GTF3C4: variants seen among roughly 807,000 people sequenced by gnomAD.
GTF3C4 encodes general transcription factor 3C polypeptide 4.
Under a neutral mutation model 67.5 loss-of-function variants are expected in GTF3C4, and 28 were observed. That is an observed-to-expected ratio of 0.41 (90% CI 0.31 to 0.57). The LOEUF is 0.57. Among genes scored for constraint, GTF3C4 ranks in the 20% least tolerant of loss-of-function variants. The pLI, the probability that GTF3C4 is intolerant of heterozygous loss-of-function variation, is 0.21. For synonymous variants in GTF3C4, 409 were observed against 393.0 expected, an observed-to-expected ratio of 1.04 and a Z score of -0.48; for missense variants, 831 against 1,033.2, an observed-to-expected ratio of 0.80 and a Z score of 2.68.
In GTF3C4 at chr9:132,679,861, G is replaced by T; in HGVS notation, c.2184+58G>T. 2 of 1,463,980 alleles carry T rather than the reference G, an allele frequency of 1.4e-6. No individual in the cohort carries two copies. The highest frequency in any genetic ancestry group is 1.8e-6 in the Non-Finnish European group (2 of 1,088,792). The allele number at this position is 1,463,980 out of a possible 1,614,324, so 90.7% of individuals were successfully genotyped here. Reference sequence around the variant, plus strand: ...TAAAGCCTGCTTTCTTCATGAGAAAGAAATGACCTAAATTGAGTTCCTGAA... The same window carrying T: ...TAAAGCCTGCTTTCTTCATGAGAAATAAATGACCTAAATTGAGTTCCTGAA... On this transcript the variant is annotated intron_variant, in intron 2 of 4. Coordinates refer to ENST00000372146, the MANE Select transcript of GTF3C4 (RefSeq NM_012204.4). The surrounding 1 kb of genome is among the most constrained non-coding windows in gnomAD (Gnocchi z 5.9).
At chr9:132,680,929 G>A (rs1197160080) in intron 2 of GTF3C4, among the ~76,000 whole-genome samples, 4 of 152,168 alleles carry the variant, frequency 2.6e-5, no homozygotes, top group Middle Eastern at 3.2e-3. Context: ...GGCCAACATG[G>A]CGAAACCCCG....
At chr9:132,684,883 T>C (rs1836001760) in intron 3 of GTF3C4, among the ~76,000 whole-genome samples, 1 of 152,210 alleles carries the variant, frequency 6.6e-6, no homozygotes, top group African/African-American at 2.4e-5. Context: ...TTAATAATTA[T>C]CACTATTTAA....
chr9:132,680,967 G>A (rs957022034), intron 2 of GTF3C4, among the ~76,000 whole-genome samples: 1 of 152,214 alleles, frequency 6.6e-6, no homozygotes, highest in Non-Finnish European at 1.5e-5. Context: ...AATTAGCCGG[G>A]TGTGGTGGCG....
At position 132,678,680 on chromosome 9, in the gene GTF3C4, T is replaced by C. The variant is rs1835898553; in HGVS notation, c.1061T>C (p.Phe354Ser). Residue 354 changes from phenylalanine to serine, a missense_variant, in exon 2 of 5, where the codon TTC becomes TCC. Phe to Ser is a radical substitution (Grantham distance 155). This residue lies in a region of GTF3C4 where 390 missense variants were observed against 540.3 expected (regional missense o/e 0.72). Coordinates refer to ENST00000372146, the MANE Select transcript of GTF3C4 (RefSeq NM_012204.4). The surrounding 1 kb of genome is among the most constrained non-coding windows in gnomAD (Gnocchi z 6.5). ...AATCTCAAAGCAGTCAAAGGCTATT[T>C]CACTTTAAGGCAGCCTGTTATCTTG... Reference protein sequence around the residue: ...PVNLKAVKGYFTLRQPVILWK... With the variant: ...PVNLKAVKGYSTLRQPVILWK... 2.5e-6 allele frequency: 4 copies of C among 1,614,068 alleles called. No homozygotes were observed. In the East Asian group the frequency reaches 6.7e-5, roughly 27 times the overall value.
rs61998251 is a variant in GTF3C4 at position 132,679,575 on chromosome 9, G to A, written c.1956G>A (p.Ser652=). ...ATGTAGAGGAGCCCACTGATGACTC[G>A]CTCCCCACGACTGGAGATGCTGGAG... ...EGDVEEPTDD[S]LPTTGDAGGR... Residue 652 remains serine (S), a synonymous_variant, in exon 2 of 5, where the codon TCG becomes TCA. Transcript: ENST00000372146. This position sits in a 1 kb window ranked among gnomAD's most constrained non-coding sequence, Gnocchi z 5.9. 3,552 of 1,614,064 alleles carry A rather than the reference G, an allele frequency of 2.2e-3. 29 individuals carry two copies. The highest frequency in any genetic ancestry group is 8.2e-3 in the Middle Eastern group (50 of 6,062).
chr9:132,683,502 G>T, intron 2 of GTF3C4, 61 bp from the exon 3 acceptor site: 7 of 1,445,654 alleles, frequency 4.8e-6, no homozygotes, highest in Admixed American at 2.3e-5. Context: ...GTGTTTGTAG[G>T]CTTTTTCTTC....
chr9:132,686,004 T>C (rs73545123), intron 3 of GTF3C4, among the ~76,000 whole-genome samples: 16,855 of 152,276 alleles, frequency 0.11, 1,039 homozygotes, highest in Admixed American at 0.18. Context: ...GTTCACAGGT[T>C]CAATTCCATC....
chr9:132,674,498 G>A (rs1034425359), intron 1 of GTF3C4, among the ~76,000 whole-genome samples: 1 of 152,186 alleles, frequency 6.6e-6, no homozygotes, highest in East Asian at 1.9e-4. Flanking sequence ...GTAGGACCAA[G>A]GGTTGCTTAA....
At chr9:132,670,326 C>G, upstream of GTF3C4, 1 of 1,463,968 alleles carries the variant, frequency 6.8e-7, no homozygotes. Context: ...CTGGGTAGCT[C>G]CCTAACAGGC....
intron 1 of GTF3C4, among the ~76,000 whole-genome samples, chr9:132,676,674 A>C (rs543343487): frequency 6.6e-6 from 1 of 151,614 alleles, no homozygotes; most frequent in African/African-American, 2.4e-5. Context: ...ATACATCCCC[A>C]GTTGTCCAGA....
chr9:132,670,105 G>A (rs1474077274), upstream of GTF3C4: 7 of 1,570,926 alleles, frequency 4.5e-6, no homozygotes, highest in Non-Finnish European at 6.1e-6. Context: ...GGCACCGGGC[G>A]GGTAGGGACA....
Position 132,678,249 on chromosome 9 carries a change from G to C in GTF3C4, c.630G>C (p.Glu210Asp). 1 of 1,614,222 alleles carries C rather than the reference G, an allele frequency of 6.2e-7. No individual in the cohort carries two copies. Among genetic ancestry groups the C allele is most frequent in the Non-Finnish European group, 8.5e-7 (1 of 1,180,036 alleles). ...GGGTCCAGCTGGTTGACCTGACTGA[G>C]ATCTATGGAGAACGTCTTTATGAGA... Reference protein sequence around the residue: ...LQWVQLVDLTEIYGERLYETS... With the variant: ...LQWVQLVDLTDIYGERLYETS... Residue 210 changes from glutamate (E) to aspartate (D), a missense_variant, in exon 2 of 5, where the codon GAG (glutamate) becomes GAC (aspartate). Physicochemically the swap from Glu to Asp is conservative, Grantham distance 45 (BLOSUM62 2). This residue lies in a region of GTF3C4 where 390 missense variants were observed against 540.3 expected (regional missense o/e 0.72). Transcript: ENST00000372146. The surrounding 1 kb of genome is among the most constrained non-coding windows in gnomAD (Gnocchi z 6.5).
intron 1 of GTF3C4, among the ~76,000 whole-genome samples, chr9:132,673,208 C>A (rs750045047): frequency 5.9e-5 from 9 of 151,970 alleles, no homozygotes; most frequent in Non-Finnish European, 1.3e-4. Flanking sequence ...AAATATAATG[C>A]AGTTATACAG....
At chr9:132,685,359 C>T (rs1313713164) in intron 3 of GTF3C4, among the ~76,000 whole-genome samples, 1 of 152,134 alleles carries the variant, frequency 6.6e-6, no homozygotes, top group African/African-American at 2.4e-5. Flanking sequence ...ACCATATTAA[C>T]TCACCAGTTC....
chr9:132,685,585 T>C (rs1256300343), intron 3 of GTF3C4, among the ~76,000 whole-genome samples: 1 of 151,908 alleles, frequency 6.6e-6, no homozygotes, highest in Non-Finnish European at 1.5e-5. Context: ...ACTCCTGGGC[T>C]CCAGTGATCC....
Position 132,670,738 on chromosome 9 carries a change from T to C in GTF3C4, c.140T>C (p.Phe47Ser). ...GCGGCCCCGGGGCCCAGCGCTGCAT[T>C]CCGCCTCATGGTGACTCGGCGGGAG... is the stretch of plus-strand genomic sequence containing the variant. ...ADAAPGPSAAFRLMVTRREPA... is the reference protein window; with the variant it reads ...ADAAPGPSAASRLMVTRREPA... The change falls in exon 1 of 5, where the codon TTC (phenylalanine) becomes TCC (serine). Residue 47 changes from phenylalanine to serine, a missense_variant. Coordinates refer to ENST00000372146, the MANE Select transcript of GTF3C4 (RefSeq NM_012204.4). The C allele has an allele frequency of 6.5e-7, 1 of 1,546,476 alleles. No homozygotes were observed. Among genetic ancestry groups the C allele is most frequent in the Non-Finnish European group, 8.7e-7 (1 of 1,152,960 alleles).
rs747159211 is a variant in GTF3C4, at chr9:132,670,934, G to A, written c.336G>A (p.Pro112=). The A allele has an allele frequency of 3.1e-6, 5 of 1,610,748 alleles. No individual in the cohort carries two copies. Among genetic ancestry groups the A allele is most frequent in the Admixed American group, 3.3e-5 (2 of 59,984 alleles). ...TCCACCGCACCTCGGTGCCCGCACC[G>A]CTCAACAGCTGTCTCCTCAAAGTAA... The part of the protein sequence containing the change: ...LVIHRTSVPA[P]LNSCLLKVGS... Residue 112 remains proline, a synonymous_variant, in exon 1 of 5, where the codon CCG becomes CCA. Transcript: ENST00000372146.
chr9:132,686,110 C>G (rs778465873), intron 3 of GTF3C4, among the ~76,000 whole-genome samples: 3 of 126,902 alleles, frequency 2.4e-5, no homozygotes, highest in Non-Finnish European at 4.9e-5. Flanking sequence ...ATCATGATTA[C>G]TTTTGTTTTT....
In GTF3C4 at chr9:132,670,697, G is replaced by A. The variant is rs749804068; in HGVS notation, c.99G>A (p.Lys33=). 20 of 1,517,850 alleles carry A rather than the reference G, an allele frequency of 1.3e-5. No homozygotes were observed. In the South Asian group the frequency reaches 2.4e-4, roughly 18 times the overall value. 94.0% of individuals were successfully genotyped at this position (1,517,850 alleles called of 1,614,324 possible). The change falls in exon 1 of 5, where the codon AAG becomes AAA. Residue 33 remains lysine (K), a synonymous_variant. Coordinates refer to ENST00000372146, the MANE Select transcript of GTF3C4 (RefSeq NM_012204.4). ...EGEGGGEAGG[K]EPAADAAPGP... ...AGGGGGGCGGCGAGGCGGGCGGGAA[G>A]GAGCCAGCAGCGGACGCGGCCCCGG...
Sources: gnomAD v4.1 joint callset for allele counts (sites outside exome capture counted in the v4.1 genomes callset) on GRCh38, gnomAD v4.1.1 for gene constraint, gnomAD v4.1.1 regional missense constraint, Gnocchi (gnomAD v3.1) non-coding constraint, MANE v1.5 for transcripts, NCBI Gene and HGNC (gene_info 2026-07-23, HGNC 2026-07-21) for gene names.